ETNK1: variants seen among roughly 807,000 people sequenced by gnomAD.
ETNK1 encodes the protein ethanolamine kinase 1.
Under a neutral mutation model 45.1 loss-of-function variants are expected in ETNK1, and 8 were observed. The ratio of observed to expected loss-of-function variants is 0.18; its 90% CI spans 0.10 to 0.32. The LOEUF is 0.32. Among genes scored for constraint, ETNK1 ranks in the 10% least tolerant of loss-of-function variants. The probability of loss-of-function intolerance (pLI) is 1.00; values close to 1 mark genes in which losing one functional copy is unlikely to be tolerated. For synonymous variants in ETNK1, 152 were observed against 151.9 expected (o/e 1.00, Z -0.01); for missense variants, 302 against 430.6 (o/e 0.70, Z 2.64).
At chr12:22,662,542 A>T (rs1015081501) in intron 4 of ETNK1, among the ~76,000 whole-genome samples, 1 of 151,956 alleles carries the variant, frequency 6.6e-6, no homozygotes. Flanking sequence ...CTACAGGTAC[A>T]TGCCATCATA....
At chr12:22,647,565 T>C (rs927401011) in intron 2 of ETNK1, among the ~76,000 whole-genome samples, 1 of 151,876 alleles carries the variant, frequency 6.6e-6, no homozygotes, top group Admixed American at 6.6e-5. Flanking sequence ...GTCTAATACA[T>C]GCAAAATGGC....
intron 6 of ETNK1, among the ~76,000 whole-genome samples, chr12:22,674,261 A>T (rs1056519797): frequency 1.3e-5 from 2 of 152,200 alleles, no homozygotes; most frequent in Non-Finnish European, 2.9e-5. Flanking sequence ...CATTAGAATG[A>T]TCTTTCAACT....
At position 22,673,535 on chromosome 12, in the gene ETNK1, A is replaced by G. The variant is rs749847213; in HGVS notation, c.820A>G (p.Arg274Gly). The G allele has an allele frequency of 1.7e-5, 27 of 1,613,660 alleles. No individual in the cohort carries two copies. The highest frequency in any genetic ancestry group is 8.3e-5 in the Admixed American group (5 of 59,972). ...TGTAGACTATAGTCTGTATCCAGATAGAGAACTACAGAGTCAGTGGCTGCG... is the reference window on the plus strand; with the variant it reads ...TGTAGACTATAGTCTGTATCCAGATGGAGAACTACAGAGTCAGTGGCTGCG... ...SDVDYSLYPD[R>G]ELQSQWLRAY... Residue 274 changes from arginine to glycine, a missense_variant, in exon 6 of 8, where the codon AGA (arginine) becomes GGA (glycine). Physicochemically the swap from Arg to Gly is moderately radical, Grantham distance 125. This residue lies in a region of ETNK1 where 94 missense variants were observed against 152.9 expected (regional missense o/e 0.61). Transcript: ENST00000266517.
intron 4 of ETNK1, 93 bp downstream of exon 4, chr12:22,661,298 C>G: frequency 8.9e-7 from 1 of 1,128,742 alleles, no homozygotes; most frequent in Non-Finnish European, 1.2e-6. Flanking sequence ...AATTCAAATG[C>G]AAGGAGTAAG....
chr12:22,625,358 T>C lies in ETNK1; in HGVS notation c.-73T>C, dbSNP rs1197581234. ...GCCCCGGGACGGAAGGATCCACCAG[T>C]CTGTCGGCGCCCGCCGTTCTCGTGG... On this transcript the variant is annotated 5_prime_UTR_variant, in exon 1 of 8. Coordinates refer to ENST00000266517, the MANE Select transcript of ETNK1 (RefSeq NM_018638.5). 3.9e-6 allele frequency: 6 copies of C among 1,552,916 alleles called. No homozygotes were observed. The highest frequency in any genetic ancestry group is 5.2e-6 in the Non-Finnish European group (6 of 1,152,522).
At chr12:22,630,248 A>G (rs1342917209) in intron 1 of ETNK1, among the ~76,000 whole-genome samples, 1 of 152,198 alleles carries the variant, frequency 6.6e-6, no homozygotes, top group Admixed American at 6.5e-5. Flanking sequence ...TTTTGGTACT[A>G]CGTTCTTCCA....
At chr12:22,652,081 T>C (rs908302117) in intron 2 of ETNK1, among the ~76,000 whole-genome samples, 1 of 152,284 alleles carries the variant, frequency 6.6e-6, no homozygotes, top group Admixed American at 6.5e-5. Flanking sequence ...ACTACTTAGG[T>C]ACATCATGTT....
rs867509049 is a variant in ETNK1, at chr12:22,680,897, C to G, written c.946-3586C>G. ...GCTTTGTGGAGCTTTTCTTCCCCCGCCCCCCCCTCCATTATATGCACACTG... is the reference window on the plus strand; with the variant it reads ...GCTTTGTGGAGCTTTTCTTCCCCCGGCCCCCCCTCCATTATATGCACACTG... On this transcript the variant is annotated intron_variant, in intron 6 of 7. Transcript: ENST00000266517. Among the ~76,000 whole-genome samples the G allele has an allele frequency of 3.1e-4, 12 of 38,226 alleles. 1 individual carries two copies. The highest frequency in any genetic ancestry group is 6.6e-4 in the African/African-American group (11 of 16,662). 25.1% of individuals were successfully genotyped at this position (38,226 alleles called of 152,430 possible).
intron 2 of ETNK1, among the ~76,000 whole-genome samples, chr12:22,652,927 GT>G (rs1003690737): frequency 8.5e-5 from 13 of 152,060 alleles, no homozygotes; most frequent in African/African-American, 1.4e-4. Context: ...TGTGATGAAG[GT>G]TTCCCCCTAT....
In ETNK1 at chr12:22,685,997, G is replaced by A. The variant is rs1472988582; in HGVS notation, c.*1043G>A. On this transcript the variant is annotated 3_prime_UTR_variant, in exon 8 of 8. Transcript: ENST00000266517. The stretch of plus-strand genomic sequence containing the variant: ...GTTTTAGTTTGATTCTATGTTTTTA[G>A]ACTGATAGCAAATGATTACTTGATA... 2 of 152,116 alleles carry A rather than the reference G, an allele frequency of 1.3e-5. No individual in the cohort carries two copies. The highest frequency in any genetic ancestry group is 3.0e-5 in the Non-Finnish European group (2 of 67,782). The allele number at this position is 152,116 out of a possible 1,614,324, so 9.4% of individuals were successfully genotyped here. A position where few individuals can be genotyped will look rare whatever the true frequency, so the allele number is the denominator to read the frequency against.
intron 3 of ETNK1, among the ~76,000 whole-genome samples, chr12:22,659,727 G>C (rs932609130): frequency 1.3e-5 from 2 of 152,224 alleles, no homozygotes; most frequent in East Asian, 1.9e-4. Context: ...CTTAAGTGTT[G>C]AGGTAGCTGC....
intron 1 of ETNK1, among the ~76,000 whole-genome samples, chr12:22,640,135 T>A (rs1953716005): frequency 6.6e-6 from 1 of 152,150 alleles, no homozygotes; most frequent in African/African-American, 2.4e-5. Flanking sequence ...CCAATATAGA[T>A]GTTGTTTTTA....
intron 6 of ETNK1, among the ~76,000 whole-genome samples, chr12:22,675,591 C>CA (rs1954152606): frequency 6.6e-6 from 1 of 152,076 alleles, no homozygotes; most frequent in Non-Finnish European, 1.5e-5. Context: ...CTCCTGGCCT[C>CA]AAGCAGTTCT....
intron 1 of ETNK1, among the ~76,000 whole-genome samples, chr12:22,637,954 T>C (rs1953676541): frequency 6.6e-6 from 1 of 151,960 alleles, no homozygotes; most frequent in Non-Finnish European, 1.5e-5. Context: ...AGAAAAGCAG[T>C]TTAAGAATGG....
chr12:22,684,652 A>G (rs975984543), intron 7 of ETNK1, 96 bp downstream of exon 7: 11 of 934,068 alleles, frequency 1.2e-5, no homozygotes, highest in African/African-American at 3.3e-5. Flanking sequence ...TTTGCAATCA[A>G]TTATAAAAGT....
chr12:22,673,720 A>T, intron 6 of ETNK1, 60 bp downstream of exon 6: 1 of 1,463,362 alleles, frequency 6.8e-7, no homozygotes, highest in Non-Finnish European at 9.3e-7. Flanking sequence ...ATGCTTCTAA[A>T]TTTTCGTCAT....
rs1169026813 is a variant in ETNK1, at chr12:22,685,837, AT to A, written c.*888del. 4 of 151,852 alleles carry A rather than the reference AT, an allele frequency of 2.6e-5. No individual in the cohort carries two copies. Among genetic ancestry groups the A allele is most frequent in the African/African-American group, 9.7e-5 (4 of 41,424 alleles). The allele number at this position is 151,852 out of a possible 1,614,324, so 9.4% of individuals were successfully genotyped here. ...TATTAAATAGTCACTAGTATTGCTA[AT>A]TTTTGAAACAAATACACAAAATTTA... On this transcript the variant is annotated 3_prime_UTR_variant, in exon 8 of 8. Transcript: ENST00000266517.
intron 4 of ETNK1, among the ~76,000 whole-genome samples, chr12:22,666,966 T>G (rs1015191876): frequency 1.2e-4 from 18 of 152,184 alleles, no homozygotes; most frequent in African/African-American, 4.1e-4. Flanking sequence ...TTTAAAAAAT[T>G]TAAATAAATA....
chr12:22,679,702 G>GTTTTTTT (rs71444173), intron 6 of ETNK1, among the ~76,000 whole-genome samples: 7 of 128,536 alleles, frequency 5.4e-5, no homozygotes, highest in South Asian at 2.3e-4. Context: ...TTGGTTTTTT[G>GTTTTTTT]TTTTTTTTTT....
Sources: gnomAD v4.1 joint callset for allele counts (sites outside exome capture counted in the v4.1 genomes callset) on GRCh38, gnomAD v4.1.1 for gene constraint, gnomAD v4.1.1 regional missense constraint, MANE v1.5 for transcripts, NCBI Gene and HGNC (gene_info 2026-07-23, HGNC 2026-07-21) for gene names.